The following NPHS2 variants were observed in gnomAD, a reference collection of about 807,000 sequenced individuals.
NPHS2 encodes the protein NPHS2 stomatin family member, podocin, also known as podocin.
A neutral mutation model predicts 37.1 loss-of-function variants in NPHS2; 36 were observed. That is an observed-to-expected ratio of 0.97 (90% CI 0.74 to 1.28). The LOEUF (loss-of-function observed/expected upper bound fraction) is 1.28. NPHS2 is among the 50% of genes most tolerant of loss of function. NPHS2 has a pLI of 0.00. For synonymous variants in NPHS2, 196 were observed against 189.3 expected, an observed-to-expected ratio of 1.04 and a Z score of -0.29; for missense variants, 447 against 488.1, an observed-to-expected ratio of 0.92 and a Z score of 0.79.
At chr1:179,574,807 A>C (rs762113603) in intron 1 of NPHS2, among the ~76,000 whole-genome samples, 3 of 152,232 alleles carry the variant, frequency 2.0e-5, no homozygotes, top group Non-Finnish European at 4.4e-5. Context: ...TATAAAAAAG[A>C]CTGGAGGTAG....
chr1:179,559,669 T>C lies in NPHS2; in HGVS notation c.534+10A>G. ...TGTATAGAGAAAGCAAAAGCCATCA[T>C]TTGGCTTACCTCATGAAAAGGTATC... On this transcript the variant is annotated intron_variant, in intron 4 of 7. Transcript: ENST00000367615. The C allele has an allele frequency of 6.4e-7, 1 of 1,556,718 alleles. No individual in the cohort carries two copies. Among genetic ancestry groups the C allele is most frequent in the Non-Finnish European group, 8.8e-7 (1 of 1,140,078 alleles).
chr1:179,572,042 C>T (rs1674584504), intron 1 of NPHS2, among the ~76,000 whole-genome samples: 1 of 152,256 alleles, frequency 6.6e-6, no homozygotes, highest in Admixed American at 6.5e-5. Context: ...CAACGCCCTG[C>T]CCTGCTTCAG....
At chr1:179,570,069 C>T (rs1283892199) in intron 1 of NPHS2, among the ~76,000 whole-genome samples, 2 of 152,100 alleles carry the variant, frequency 1.3e-5, no homozygotes, top group Admixed American at 6.6e-5. Context: ...CTCTGTATTT[C>T]CTGAATTTAA....
intron 5 of NPHS2, among the ~76,000 whole-genome samples, chr1:179,555,613 C>T (rs72704487): frequency 0.056 from 8,552 of 152,180 alleles, 296 homozygotes; most frequent in Non-Finnish European, 0.07. Flanking sequence ...ATAAAGACGT[C>T]GCAGAATAGG....
chr1:179,567,820 T>C (rs1165840902), intron 1 of NPHS2, among the ~76,000 whole-genome samples: 1 of 152,238 alleles, frequency 6.6e-6, no homozygotes, highest in African/African-American at 2.4e-5. Flanking sequence ...TCTATTGAGA[T>C]AATCATGTGG....
intron 1 of NPHS2, 39 bp from the exon 2 acceptor site, chr1:179,564,832 C>T: frequency 6.6e-7 from 1 of 1,508,680 alleles, no homozygotes; most frequent in Non-Finnish European, 9.2e-7. Flanking sequence ...TATATTGAAA[C>T]TTCACTGTAT....
At chr1:179,558,709 C>T (rs1005500488) in intron 4 of NPHS2, among the ~76,000 whole-genome samples, 2 of 152,168 alleles carry the variant, frequency 1.3e-5, no homozygotes, top group East Asian at 1.9e-4. Context: ...CAACAGTGCA[C>T]GAGGGTTCCA....
At chr1:179,567,777 G>C (rs1279281778) in intron 1 of NPHS2, among the ~76,000 whole-genome samples, 1 of 152,102 alleles carries the variant, frequency 6.6e-6, no homozygotes, top group Non-Finnish European at 1.5e-5. Context: ...TAGCATGAAG[G>C]GCTGTTGAAT....
Position 179,551,127 on chromosome 1 carries a change from TTTTC to T in NPHS2, c.*42_*45del, listed in dbSNP as rs770227262. 1 of 1,612,450 alleles carries T rather than the reference TTTTC, an allele frequency of 6.2e-7. No individual in the cohort carries two copies. Among genetic ancestry groups the T allele is most frequent in the East Asian group, 2.2e-5 (1 of 44,882 alleles). ...AGAGTGTCTCCCTCAGGCATGTGAC[TTTTC>T]TATGGCAGGCCCCTTTACAGTCACA... is the stretch of plus-strand genomic sequence containing the variant. On this transcript the variant is annotated 3_prime_UTR_variant, in exon 8 of 8. Transcript: ENST00000367615.
intron 1 of NPHS2, among the ~76,000 whole-genome samples, chr1:179,571,557 C>T (rs1426868634): frequency 6.6e-6 from 1 of 152,230 alleles, no homozygotes; most frequent in Non-Finnish European, 1.5e-5. Flanking sequence ...TCTGTCCATT[C>T]TCAGAGCTCA....
intron 1 of NPHS2, among the ~76,000 whole-genome samples, chr1:179,570,995 C>G (rs566973930): frequency 6.6e-6 from 1 of 152,122 alleles, no homozygotes; most frequent in Admixed American, 6.5e-5. Flanking sequence ...AGCTTCCTTG[C>G]GATGGGTTCG....
chr1:179,573,124 A>C (rs1674625335), intron 1 of NPHS2, among the ~76,000 whole-genome samples: 1 of 152,108 alleles, frequency 6.6e-6, no homozygotes, highest in South Asian at 2.1e-4. Context: ...GAGCTATGGC[A>C]CCTGGCCTAA....
chr1:179,571,065 T>A (rs1199580012), intron 1 of NPHS2, among the ~76,000 whole-genome samples: 1 of 152,212 alleles, frequency 6.6e-6, no homozygotes, highest in African/African-American at 2.4e-5. Context: ...CCTACTTCTG[T>A]CAAGTCCTCA....
At chr1:179,560,759 G>C (rs1483310197) in intron 3 of NPHS2, among the ~76,000 whole-genome samples, 1 of 151,928 alleles carries the variant, frequency 6.6e-6, no homozygotes, top group African/African-American at 2.4e-5. Flanking sequence ...TTGGACCTCT[G>C]GACATCAACT....
At chr1:179,575,494 G>T in intron 1 of NPHS2, 97 bp downstream of exon 1, 1 of 1,524,620 alleles carries the variant, frequency 6.6e-7, no homozygotes, top group Non-Finnish European at 8.9e-7. Context: ...ATCTGCTCTG[G>T]CTTCAGTGGG....
rs555794510 is a variant in NPHS2, at chr1:179,556,275, C to T, written c.738+752G>A. Among the ~76,000 whole-genome samples, 12 of 152,330 alleles carry T rather than the reference C, an allele frequency of 7.9e-5. No individual in the cohort carries two copies. The highest frequency in any genetic ancestry group is 2.0e-4 in the Admixed American group (3 of 15,306). Reference sequence around the variant, plus strand: ...TGGTTCACAACCTCCTAACCCAGTTCTGGGCCTGGGTGTCCCCACTGCTTC... The same window carrying T: ...TGGTTCACAACCTCCTAACCCAGTTTTGGGCCTGGGTGTCCCCACTGCTTC... On this transcript the variant is annotated intron_variant, in intron 5 of 7. Transcript: ENST00000367615. The surrounding 1 kb of genome is among the most constrained non-coding windows in gnomAD (Gnocchi z 4.1).
chr1:179,573,772 A>T (rs957682421), intron 1 of NPHS2, among the ~76,000 whole-genome samples: 1 of 152,236 alleles, frequency 6.6e-6, no homozygotes. Context: ...TCCTTCATAC[A>T]GTAGCGAGAG....
Position 179,554,531 on chromosome 1 carries a change from C to G in NPHS2, c.739G>C (p.Val247Leu). The part of the protein sequence containing the change: ...ERKSIAQDAK[V>L]ALDSVTCIWG... Reference sequence around the variant, plus strand: ...ATACAGGTCACTGAATCCAAGGCAACCTGTGGAAAGAAGAATTCAGATGTC... The same window carrying G: ...ATACAGGTCACTGAATCCAAGGCAAGCTGTGGAAAGAAGAATTCAGATGTC... Residue 247 changes from valine (V) to leucine (L), a missense_variant and splice_region_variant, in exon 6 of 8, where the codon GTT becomes CTT. Val to Leu is a conservative substitution (Grantham distance 32, BLOSUM62 1). Transcript: ENST00000367615. 6.2e-7 allele frequency: 1 copy of G among 1,614,138 alleles called. No individual in the cohort carries two copies. Among genetic ancestry groups the G allele is most frequent in the South Asian group, 1.1e-5 (1 of 91,076 alleles).
Position 179,563,706 on chromosome 1 carries a change from C to T in NPHS2, c.378+984G>A, listed in dbSNP as rs189485234. On this transcript the variant is annotated intron_variant, in intron 2 of 7. Coordinates refer to ENST00000367615, the MANE Select transcript of NPHS2 (RefSeq NM_014625.4). ...AAATATGTGGAAATTAAACAACATA[C>T]TCTAACCAATGGGTTAAAGAAGAAA... 6.6e-5 allele frequency among the ~76,000 whole-genome samples: 10 copies of T among 152,266 alleles called. No homozygotes were observed. In the East Asian group the frequency reaches 1.7e-3, roughly 26 times the overall value.
Sources: allele counts gnomAD v4.1 joint callset (sites outside exome capture counted in the v4.1 genomes callset), GRCh38; gene constraint gnomAD v4.1.1; non-coding constraint Gnocchi (gnomAD v3.1); transcripts MANE v1.5; gene names NCBI Gene and HGNC (gene_info 2026-07-23, HGNC 2026-07-21).